CDYL2: variants seen among roughly 807,000 people sequenced by gnomAD.
CDYL2 encodes the protein chromodomain Y like 2.
Under a neutral mutation model 49.4 loss-of-function variants are expected in CDYL2, and 23 were observed. The observed-to-expected ratio is 0.47, with a 90% CI of 0.34 to 0.66. CDYL2 has a LOEUF of 0.66. CDYL2 is among the 30% of genes least tolerant of loss of function. CDYL2 has a pLI of 0.01. For missense variants in CDYL2, 678 were observed against 656.4 expected (o/e 1.03, Z -0.36); for synonymous variants, 360 against 268.8 (o/e 1.34, Z -3.32).
intron 1 of CDYL2, among the ~76,000 whole-genome samples, chr16:80,803,298 C>T (rs776089172): frequency 3.9e-5 from 6 of 152,188 alleles, no homozygotes; most frequent in South Asian, 2.1e-4. Context: ...CCAACGCTGG[C>T]CACTACTCAT....
intron 1 of CDYL2, among the ~76,000 whole-genome samples, chr16:80,734,442 T>C (rs1340687294): frequency 6.6e-6 from 1 of 151,974 alleles, no homozygotes; most frequent in African/African-American, 2.4e-5. Flanking sequence ...GACTAATGCA[T>C]TGAGGGTGAT....
At chr16:80,709,133 C>T (rs949599940) in intron 1 of CDYL2, among the ~76,000 whole-genome samples, 5 of 152,126 alleles carry the variant, frequency 3.3e-5, no homozygotes, top group Non-Finnish European at 7.4e-5. Context: ...CCTATAATCC[C>T]AGCACTTTGG....
chr16:80,727,093 G>C (rs1337263788), intron 1 of CDYL2, among the ~76,000 whole-genome samples: 1 of 152,194 alleles, frequency 6.6e-6, no homozygotes, highest in Non-Finnish European at 1.5e-5. Context: ...AGTTCTGGGA[G>C]CCAAGATGGC....
At chr16:80,672,126 GA>G (rs1369746210) in intron 2 of CDYL2, among the ~76,000 whole-genome samples, 1 of 152,104 alleles carries the variant, frequency 6.6e-6, no homozygotes, top group Non-Finnish European at 1.5e-5. Context: ...TTGATGCTCA[GA>G]AAGTTCTGGA....
intron 1 of CDYL2, among the ~76,000 whole-genome samples, chr16:80,714,726 CTCTGCAT>C (rs1458655710): frequency 6.6e-6 from 1 of 152,196 alleles, no homozygotes; most frequent in Non-Finnish European, 1.5e-5. Context: ...CAAGAAATAT[CTCTGCAT>C]TCTACGCTCA....
chr16:80,787,527 A>G (rs752542048), intron 1 of CDYL2, among the ~76,000 whole-genome samples: 1 of 152,210 alleles, frequency 6.6e-6, no homozygotes, highest in Non-Finnish European at 1.5e-5. Flanking sequence ...TAAAATCAAC[A>G]GAAGTGTCAG....
chr16:80,763,670 A>C (rs1356879005), intron 1 of CDYL2, among the ~76,000 whole-genome samples: 1 of 152,194 alleles, frequency 6.6e-6, no homozygotes, highest in East Asian at 1.9e-4. Flanking sequence ...ACAAAGACTA[A>C]GAGAGGAAGG....
intron 2 of CDYL2, among the ~76,000 whole-genome samples, chr16:80,644,581 C>T (rs988278860): frequency 5.9e-5 from 9 of 152,066 alleles, no homozygotes; most frequent in South Asian, 2.1e-4. Flanking sequence ...TGGCAGCATG[C>T]GAAAGGCACA....
chr16:80,760,350 T>C (rs950457380), intron 1 of CDYL2, among the ~76,000 whole-genome samples: 1 of 151,434 alleles, frequency 6.6e-6, no homozygotes, highest in Non-Finnish European at 1.5e-5. Context: ...TAGTGGGGGG[T>C]TGGAGGGGAG....
chr16:80,679,068 C>G (rs2142465452), intron 2 of CDYL2, among the ~76,000 whole-genome samples: 1 of 132,662 alleles, frequency 7.5e-6, no homozygotes, highest in African/African-American at 2.9e-5. Context: ...ACAATGAGAA[C>G]ACATGGACAC....
At chr16:80,609,946 A>G (rs1360594890) in intron 5 of CDYL2, among the ~76,000 whole-genome samples, 1 of 152,160 alleles carries the variant, frequency 6.6e-6, no homozygotes, top group Non-Finnish European at 1.5e-5. Context: ...ACTTAACGTC[A>G]CAAAGCCTCA....
At chr16:80,693,302 G>C (rs1027402096) in intron 1 of CDYL2, among the ~76,000 whole-genome samples, 4 of 151,998 alleles carry the variant, frequency 2.6e-5, no homozygotes, top group Admixed American at 2.6e-4. Context: ...AAAGTTGTTT[G>C]GAAGACACAC....
intron 1 of CDYL2, among the ~76,000 whole-genome samples, chr16:80,777,377 G>A (rs960740483): frequency 6.6e-6 from 1 of 151,598 alleles, no homozygotes; most frequent in Non-Finnish European, 1.5e-5. Flanking sequence ...ATAAGTCAGA[G>A]AAACACTGAA....
chr16:80,743,692 G>C (rs1027739799), intron 1 of CDYL2, among the ~76,000 whole-genome samples: 1 of 151,878 alleles, frequency 6.6e-6, no homozygotes, highest in Non-Finnish European at 1.5e-5. Context: ...TGTTTTTTGG[G>C]GGTTTTTTTG....
chr16:80,786,655 G>C (rs1052223497), intron 1 of CDYL2, among the ~76,000 whole-genome samples: 1 of 151,584 alleles, frequency 6.6e-6, no homozygotes, highest in Non-Finnish European at 1.5e-5. Context: ...CAATAGCAAA[G>C]ACTTGGAACC....
chr16:80,789,159 C>T (rs1907529767), intron 1 of CDYL2, among the ~76,000 whole-genome samples: 1 of 152,106 alleles, frequency 6.6e-6, no homozygotes, highest in Non-Finnish European at 1.5e-5. Context: ...AGGGAACACT[C>T]ATACACTATT....
At chr16:80,765,794 T>A (rs892595635) in intron 1 of CDYL2, among the ~76,000 whole-genome samples, 3 of 134,186 alleles carry the variant, frequency 2.2e-5, no homozygotes, top group African/African-American at 8.6e-5. Flanking sequence ...TAGCTCTGGC[T>A]ACCTGGGAGG....
At chr16:80,627,000 C>G (rs369724649) in intron 3 of CDYL2, among the ~76,000 whole-genome samples, 1 of 152,072 alleles carries the variant, frequency 6.6e-6, no homozygotes, top group South Asian at 2.1e-4. Context: ...CTCATGCTAA[C>G]CATCCTTTAC....
Position 80,804,177 on chromosome 16 carries a change from A to G in CDYL2, c.-4T>C. On this transcript the variant is annotated 5_prime_UTR_variant, in exon 1 of 7. Transcript: ENST00000570137. ...CGTAAAGGTCCCCAGAAGCCATGCC[A>G]GGCTGCGGAACTTGGCTCGCCGGTG... 1 of 1,309,662 alleles carries G rather than the reference A, an allele frequency of 7.6e-7. No homozygotes were observed. The highest frequency in any genetic ancestry group is 1.0e-6 in the Non-Finnish European group (1 of 1,000,106). 81.1% of individuals were successfully genotyped at this position (1,309,662 alleles called of 1,614,324 possible). A position where few individuals can be genotyped will look rare whatever the true frequency, so the allele number is the denominator to read the frequency against.
Sources: allele counts gnomAD v4.1 joint callset (sites outside exome capture counted in the v4.1 genomes callset), GRCh38; gene constraint gnomAD v4.1.1; transcripts MANE v1.5; gene names NCBI Gene and HGNC (gene_info 2026-07-23, HGNC 2026-07-21).